The following AQR variants were observed in gnomAD, a reference collection of about 807,000 sequenced individuals.
The protein encoded by AQR is aquarius intron-binding spliceosomal factor.
AQR carries 61 observed loss-of-function variants against 180.5 expected under a neutral mutation model. The ratio of observed to expected loss-of-function variants is 0.34; its 90% confidence interval spans 0.28 to 0.42. The LOEUF is 0.42. Among genes scored for constraint, AQR ranks in the 10% least tolerant of loss-of-function variants. AQR has a pLI of 1.00. For missense variants in AQR, 1,281 were observed against 1,798.3 expected, an observed-to-expected ratio of 0.71 and a Z score of 5.20; for synonymous variants, 551 against 588.8, an observed-to-expected ratio of 0.94 and a Z score of 0.93.
intron 7 of AQR, 85 bp downstream of exon 7, chr15:34,941,927 T>C (rs376351556): frequency 9.0e-6 from 9 of 999,674 alleles, no homozygotes; most frequent in African/African-American, 6.6e-5. Context: ...CTACCACTTG[T>C]ATATCCAGAT....
chr15:34,885,843 A>C (rs1893051966), intron 25 of AQR, among the ~76,000 whole-genome samples: 1 of 152,190 alleles, frequency 6.6e-6, no homozygotes, highest in Admixed American at 6.5e-5. Context: ...ATTATAATTT[A>C]TATCTAAAAT....
chr15:34,968,993 T>C (rs1421077072), intron 1 of AQR, among the ~76,000 whole-genome samples: 2 of 152,206 alleles, frequency 1.3e-5, no homozygotes, highest in Non-Finnish European at 2.9e-5. Context: ...CAAAGCCAAC[T>C]GTGGCTCACA....
intron 27 of AQR, among the ~76,000 whole-genome samples, chr15:34,881,134 T>C (rs1892967413): frequency 6.6e-6 from 1 of 152,220 alleles, no homozygotes; most frequent in Admixed American, 6.5e-5. Context: ...TTTTCCCTTG[T>C]TATTAAGCTA....
chr15:34,926,527 T>C (rs2140489594), intron 13 of AQR, among the ~76,000 whole-genome samples: 1 of 152,336 alleles, frequency 6.6e-6, no homozygotes, highest in East Asian at 1.9e-4. Flanking sequence ...TACCTACTTC[T>C]AGCATGAATG....
chr15:34,906,028 C>T (rs1001017368), intron 18 of AQR, among the ~76,000 whole-genome samples: 3 of 151,728 alleles, frequency 2.0e-5, no homozygotes, highest in South Asian at 4.2e-4. Flanking sequence ...AGCAAAACTC[C>T]GTCTTGGGGG....
chr15:34,923,913 A>C, intron 13 of AQR, among the ~76,000 whole-genome samples: 1 of 152,248 alleles, frequency 6.6e-6, no homozygotes, highest in East Asian at 1.9e-4. Flanking sequence ...TTGCCTTTCC[A>C]TGTTATTTTT....
rs146856791 is a variant in AQR at position 34,875,772 on chromosome 15, A to G, written c.3237+163T>C. ...CAACTACTAAATAGCCAGTGAATAG[A>G]TTCAAGAAAGTTTACAGGCTTAAAA... On this transcript the variant is annotated intron_variant, in intron 28 of 34. Transcript: ENST00000156471. 6.6e-5 allele frequency among the ~76,000 whole-genome samples: 10 copies of G among 152,328 alleles called. No homozygotes were observed. In the East Asian group the frequency reaches 1.3e-3, roughly 21 times the overall value.
chr15:34,880,501 T>G (rs1892956384), intron 27 of AQR, among the ~76,000 whole-genome samples: 1 of 152,010 alleles, frequency 6.6e-6, no homozygotes, highest in Non-Finnish European at 1.5e-5. Context: ...CAGTTTTGGG[T>G]TGAATTGGTG....
At chr15:34,917,515 A>G (rs931709242) in intron 15 of AQR, among the ~76,000 whole-genome samples, 18 of 152,342 alleles carry the variant, frequency 1.2e-4, no homozygotes, top group African/African-American at 4.3e-4. Context: ...ATCAACACTA[A>G]GGGTTTACTA....
chr15:34,939,077 T>G (rs1456389053), intron 8 of AQR, among the ~76,000 whole-genome samples: 1 of 152,168 alleles, frequency 6.6e-6, no homozygotes, highest in Non-Finnish European at 1.5e-5. Context: ...TTTCTGCTTT[T>G]TTTGTTTTTG....
chr15:34,938,907 C>T (rs1893983125), intron 8 of AQR, 94 bp from the exon 9 acceptor site: 4 of 858,410 alleles, frequency 4.7e-6, no homozygotes, highest in Middle Eastern at 2.4e-4. Flanking sequence ...CAATATTGTT[C>T]AACTGTTCAT....
intron 3 of AQR, among the ~76,000 whole-genome samples, chr15:34,953,233 C>T (rs1353288022): frequency 6.6e-6 from 1 of 152,128 alleles, no homozygotes; most frequent in African/African-American, 2.4e-5. Context: ...GCTTAAAATA[C>T]TAAAATATTG....
intron 27 of AQR, among the ~76,000 whole-genome samples, chr15:34,877,004 A>G (rs184258896): frequency 1.3e-5 from 2 of 152,270 alleles, no homozygotes; most frequent in African/African-American, 4.8e-5. Flanking sequence ...TGTCTTCCAG[A>G]CCTACACAAT....
intron 13 of AQR, among the ~76,000 whole-genome samples, chr15:34,924,429 A>G (rs558170607): frequency 6.6e-6 from 1 of 152,120 alleles, no homozygotes; most frequent in Non-Finnish European, 1.5e-5. Context: ...GATTTCAATC[A>G]ATATACTTTT....
intron 22 of AQR, among the ~76,000 whole-genome samples, chr15:34,894,386 C>T (rs1893198525): frequency 1.3e-5 from 2 of 152,192 alleles, no homozygotes; most frequent in African/African-American, 4.8e-5. Context: ...TATCAACCCA[C>T]AATTCTATCT....
intron 32 of AQR, among the ~76,000 whole-genome samples, chr15:34,865,633 T>C (rs1892729667): frequency 6.6e-6 from 1 of 152,196 alleles, no homozygotes; most frequent in African/African-American, 2.4e-5. Context: ...CATTATTCAT[T>C]CTAATAGCCA....
chr15:34,863,188 C>A, intron 32 of AQR, 147 bp from the exon 33 acceptor site: 1 of 708,478 alleles, frequency 1.4e-6, no homozygotes. Context: ...AGAAGTTAAT[C>A]AATGTTACGT....
intron 31 of AQR, chr15:34,869,032 T>C (rs1265397554): frequency 6.6e-6 from 1 of 152,198 alleles, no homozygotes; most frequent in African/African-American, 2.4e-5. Flanking sequence ...TGCTGAGCTG[T>C]ACAGTAAGTG....
intron 10 of AQR, among the ~76,000 whole-genome samples, chr15:34,934,051 T>G (rs116103994): frequency 0.018 from 2,751 of 151,730 alleles, 75 homozygotes; most frequent in African/African-American, 0.058. Flanking sequence ...ACTTGAGGCC[T>G]GGGAGGCGGA....
Sources: gnomAD v4.1 joint callset for allele counts (sites outside exome capture counted in the v4.1 genomes callset) on GRCh38, gnomAD v4.1.1 for gene constraint, MANE v1.5 for transcripts, NCBI Gene and HGNC (gene_info 2026-07-23, HGNC 2026-07-21) for gene names.